The following FBXO40 variants were observed in gnomAD, a reference collection of about 807,000 sequenced individuals.
FBXO40 encodes the protein F-box only protein 40.
A neutral mutation model predicts 49.9 loss-of-function variants in FBXO40; 50 were observed. The observed-to-expected ratio is 1.00, with a 90% confidence interval of 0.80 to 1.27. The LOEUF is 1.27. FBXO40 is among the 50% of genes most tolerant of loss of function. The pLI, the probability that FBXO40 is intolerant of heterozygous loss-of-function variation, is 0.00. For missense variants in FBXO40, 895 were observed against 870.1 expected, an observed-to-expected ratio of 1.03 and a Z score of -0.36; for synonymous variants, 340 against 320.2, an observed-to-expected ratio of 1.06 and a Z score of -0.66.
Position 121,622,750 on chromosome 3 carries a change from G to A in FBXO40, c.1321G>A (p.Gly441Arg). The A allele has an allele frequency of 6.2e-7, 1 of 1,614,170 alleles. No individual in the cohort carries two copies. The highest frequency in any genetic ancestry group is 1.3e-5 in the African/African-American group (1 of 75,038). ...CTTTGAGCCAGAACAGTTTTCCTCT[G>A]GGACAGTGCTGGCTGACCTAACCGC... Reference protein sequence around the residue: ...YNFEPEQFSSGTVLADLTAAT... With the variant: ...YNFEPEQFSSRTVLADLTAAT... Residue 441 changes from glycine to arginine, a missense_variant, in exon 3 of 4, where the codon GGG becomes AGG. Gly to Arg is a moderately radical substitution (Grantham distance 125). Transcript: ENST00000338040.
At chr3:121,624,757 C>T (rs146296772) in intron 3 of FBXO40, among the ~76,000 whole-genome samples, 2 of 152,234 alleles carry the variant, frequency 1.3e-5, no homozygotes, top group East Asian at 1.9e-4. Flanking sequence ...TGGGATCCAA[C>T]GACCTTCCTT....
chr3:121,614,640 A>C (rs1240121759), intron 1 of FBXO40, among the ~76,000 whole-genome samples: 1 of 152,098 alleles, frequency 6.6e-6, no homozygotes, highest in African/African-American at 2.4e-5. Flanking sequence ...CGTTTTCCAA[A>C]TAAACCCTGG....
intron 1 of FBXO40, among the ~76,000 whole-genome samples, chr3:121,600,194 A>AT (rs71133558): frequency 0.082 from 7,264 of 88,402 alleles, 522 homozygotes; most frequent in Admixed American, 0.2. Flanking sequence ...CACTTGGCTG[A>AT]TTTTTTTTTT....
intron 3 of FBXO40, among the ~76,000 whole-genome samples, chr3:121,623,808 C>G (rs2049047571): frequency 6.6e-6 from 1 of 151,040 alleles, no homozygotes; most frequent in South Asian, 2.1e-4. Flanking sequence ...CCTGCCTCAG[C>G]CTCCCAAGTA....
chr3:121,611,407 T>A lies in FBXO40; in HGVS notation c.-30-9139T>A, dbSNP rs1011360176. On this transcript the variant is annotated intron_variant, in intron 1 of 3. Coordinates refer to ENST00000338040, the MANE Select transcript of FBXO40 (RefSeq NM_016298.4). ...CTATGTCATAATGAAGTTCAAGGGATGGTACTATACCTGGATGTGCACGTA... is the reference window on the plus strand; with the variant it reads ...CTATGTCATAATGAAGTTCAAGGGAAGGTACTATACCTGGATGTGCACGTA... Among the ~76,000 whole-genome samples, 433 of 152,086 alleles carry A rather than the reference T, an allele frequency of 2.8e-3. 3 individuals carry two copies. Among genetic ancestry groups the A allele is most frequent in the Non-Finnish European group, 3.4e-3 (234 of 67,882 alleles).
intron 1 of FBXO40, among the ~76,000 whole-genome samples, chr3:121,614,441 C>CA (rs536949533): frequency 0.037 from 5,153 of 139,682 alleles, 132 homozygotes; most frequent in African/African-American, 0.069. Flanking sequence ...GACTCTGTCT[C>CA]AAAAAAAAAA....
Position 121,621,433 on chromosome 3 carries a change from G to C in FBXO40, c.4G>C (p.Gly2Arg). 1 of 1,611,272 alleles carries C rather than the reference G, an allele frequency of 6.2e-7. No individual in the cohort carries two copies. Among genetic ancestry groups the C allele is most frequent in the Non-Finnish European group, 8.5e-7 (1 of 1,178,478 alleles). The change falls in exon 3 of 4, where the codon GGG (glycine) becomes CGG (arginine). Residue 2 changes from glycine (G) to arginine (R), a missense_variant and splice_region_variant. Transcript: ENST00000338040. M[G>R]KARRSPPGHH... ...TTCCCCCTGTCCTTGGTGTGTCCAG[G>C]GGAAAGCCCGCAGATCCCCGCCAGG...
At position 121,623,000 on chromosome 3, in the gene FBXO40, A is replaced by G. The variant is rs763123334; in HGVS notation, c.1571A>G (p.His524Arg). The change falls in exon 3 of 4, where the codon CAT becomes CGT. Residue 524 changes from histidine to arginine, a missense_variant. Coordinates refer to ENST00000338040, the MANE Select transcript of FBXO40 (RefSeq NM_016298.4). ...TTGGGATGTACATTTGTTCAAAACC[A>G]TTTCCGTCCCCCAGGGCAAAAGGCA... ...AYLGCTFVQN[H>R]FRPPGQKAKV... 1.9e-6 allele frequency: 3 copies of G among 1,614,208 alleles called. No individual in the cohort carries two copies. Among genetic ancestry groups the G allele is most frequent in the Non-Finnish European group, 2.5e-6 (3 of 1,180,046 alleles).
intron 1 of FBXO40, among the ~76,000 whole-genome samples, chr3:121,619,407 C>T (rs1442252589): frequency 6.6e-6 from 1 of 152,154 alleles, no homozygotes; most frequent in East Asian, 1.9e-4. Flanking sequence ...ATTCTGTAGA[C>T]CAGATATTGC....
At chr3:121,600,341 T>C (rs896699446) in intron 1 of FBXO40, among the ~76,000 whole-genome samples, 1 of 152,072 alleles carries the variant, frequency 6.6e-6, no homozygotes, top group South Asian at 2.1e-4. Context: ...ACCTGACTTA[T>C]GTAGTGCATA....
rs1293032742 is a variant in FBXO40 at position 121,626,932 on chromosome 3, C to T, written c.*22C>T. 1 of 1,607,016 alleles carries T rather than the reference C, an allele frequency of 6.2e-7. No individual in the cohort carries two copies. The highest frequency in any genetic ancestry group is 8.5e-7 in the Non-Finnish European group (1 of 1,173,768). On this transcript the variant is annotated 3_prime_UTR_variant, in exon 4 of 4. Coordinates refer to ENST00000338040, the MANE Select transcript of FBXO40 (RefSeq NM_016298.4). The stretch of plus-strand genomic sequence containing the variant: ...CTAAAAATTCAGATGCCACTCGATG[C>T]ACCCTTCTTGGATTTCTTCTCGGAG...
chr3:121,622,609 G>C lies in FBXO40; in HGVS notation c.1180G>C (p.Asp394His). Reference protein sequence around the residue: ...GITVEDLPKSDLIKTTLQCAL... With the variant: ...GITVEDLPKSHLIKTTLQCAL... Reference sequence around the variant, plus strand: ...CACTGTGGAGGACCTGCCCAAATCAGATCTCATCAAGACCACCCTCCAGTG... The same window carrying C: ...CACTGTGGAGGACCTGCCCAAATCACATCTCATCAAGACCACCCTCCAGTG... Residue 394 changes from aspartate to histidine, a missense_variant, in exon 3 of 4, where the codon GAT (aspartate) becomes CAT (histidine). Physicochemically the swap from Asp to His is moderately conservative, Grantham distance 81. Coordinates refer to ENST00000338040, the MANE Select transcript of FBXO40 (RefSeq NM_016298.4). The C allele has an allele frequency of 1.9e-6, 3 of 1,614,206 alleles. No individual in the cohort carries two copies. The East Asian group carries it at 6.7e-5, about 36-fold the overall frequency.
At chr3:121,609,142 T>G (rs2048950693) in intron 1 of FBXO40, among the ~76,000 whole-genome samples, 1 of 152,098 alleles carries the variant, frequency 6.6e-6, no homozygotes, top group South Asian at 2.1e-4. Context: ...ATTCTGAGGC[T>G]ATTGCTTGGG....
In FBXO40 at chr3:121,617,988, G is replaced by C. The variant is rs139652654; in HGVS notation, c.-30-2558G>C. On this transcript the variant is annotated intron_variant, in intron 1 of 3. Transcript: ENST00000338040. ...CACTCCAGGCTGGGCAACAGAGCAA[G>C]GCTCTGTCAAAAAAAAGCTAAAAGA... is the stretch of plus-strand genomic sequence containing the variant. 4.2e-3 allele frequency among the ~76,000 whole-genome samples: 640 copies of C among 152,146 alleles called. 4 individuals carry two copies. The highest frequency in any genetic ancestry group is 0.015 in the African/African-American group (606 of 41,514).
At chr3:121,603,154 GTT>G (rs2048909897) in intron 1 of FBXO40, among the ~76,000 whole-genome samples, 1 of 152,172 alleles carries the variant, frequency 6.6e-6, no homozygotes, top group African/African-American at 2.4e-5. Flanking sequence ...ATTCATGAGG[GTT>G]TTACCCTGAT....
chr3:121,611,531 G>C lies in FBXO40; in HGVS notation c.-30-9015G>C, dbSNP rs543327677. Among the ~76,000 whole-genome samples, 9 of 152,332 alleles carry C rather than the reference G, an allele frequency of 5.9e-5. No individual in the cohort carries two copies. In the South Asian group the frequency reaches 1.2e-3, roughly 21 times the overall value. ...ATGTCTTGACTCCCACCATAGGGTG[G>C]TTTTTCTCTGATCTCAGAATTGAAC... On this transcript the variant is annotated intron_variant, in intron 1 of 3. Transcript: ENST00000338040.
At chr3:121,612,773 A>T (rs976349250) in intron 1 of FBXO40, among the ~76,000 whole-genome samples, 3 of 151,564 alleles carry the variant, frequency 2.0e-5, no homozygotes, top group Admixed American at 2.0e-4. Context: ...GTGTTATATT[A>T]AAAAAAAATT....
At chr3:121,598,490 A>G (rs2048884430) in intron 1 of FBXO40, among the ~76,000 whole-genome samples, 1 of 152,266 alleles carries the variant, frequency 6.6e-6, no homozygotes, top group South Asian at 2.1e-4. Context: ...AGATTTAAAT[A>G]CTACAAAGAT....
chr3:121,623,740 G>C (rs2108851961), intron 3 of FBXO40, among the ~76,000 whole-genome samples: 1 of 146,834 alleles, frequency 6.8e-6, no homozygotes, highest in South Asian at 2.1e-4. Flanking sequence ...CCAGGCTGGA[G>C]TGCAATGGCA....
Sources: gnomAD v4.1 joint callset for allele counts (sites outside exome capture counted in the v4.1 genomes callset) on GRCh38, gnomAD v4.1.1 for gene constraint, MANE v1.5 for transcripts, NCBI Gene and HGNC (gene_info 2026-07-23, HGNC 2026-07-21) for gene names.